Variants in ZNF143 observed in about 807,000 individuals in gnomAD.
ZNF143 encodes zinc finger protein 143, also known as SPH-binding factor.
ZNF143 carries 49 observed loss-of-function variants against 74.1 expected under a neutral mutation model. The observed-to-expected ratio is 0.66, with a 90% CI of 0.53 to 0.84. The LOEUF (loss-of-function observed/expected upper bound fraction) is 0.84, where lower values mean the gene tolerates loss of function less well. Among genes scored for constraint, ZNF143 ranks in the 40% least tolerant of loss-of-function variants. The probability of loss-of-function intolerance (pLI) is 0.00; values close to 1 mark genes in which losing one functional copy is unlikely to be tolerated. For missense variants in ZNF143, 637 were observed against 793.4 expected (o/e 0.80, Z 2.37); for synonymous variants, 304 against 282.8 (o/e 1.07, Z -0.75).
intron 15 of ZNF143, among the ~76,000 whole-genome samples, chr11:9,525,723 G>GA (rs1849102713): frequency 6.6e-6 from 1 of 152,172 alleles, no homozygotes; most frequent in African/African-American, 2.4e-5. Context: ...ACTCCTTAGA[G>GA]AAAAACCTAG....
In ZNF143 at chr11:9,486,409, T is replaced by TA. The variant is rs1565039087; in HGVS notation, c.645+6864dup. 1.7e-3 allele frequency among the ~76,000 whole-genome samples: 43 copies of TA among 25,108 alleles called. 7 individuals carry two copies. Among genetic ancestry groups the TA allele is most frequent in the African/African-American group, 5.9e-3 (37 of 6,310 alleles). 16.5% of individuals were successfully genotyped at this position (25,108 alleles called of 152,430 possible). ...TATAATATATATAATATATTATATA[T>TA]ATAATATATATTATATATATTATAT... is the stretch of plus-strand genomic sequence containing the variant. On this transcript the variant is annotated intron_variant, in intron 7 of 15. Transcript: ENST00000396602.
chr11:9,505,548 T>C (rs1848333198), intron 11 of ZNF143, among the ~76,000 whole-genome samples: 1 of 151,954 alleles, frequency 6.6e-6, no homozygotes, highest in Non-Finnish European at 1.5e-5. Context: ...TTTTGTGTGC[T>C]ATACATAAAC....
rs191426346 is a variant in ZNF143, at chr11:9,492,488, C to T, written c.646-2158C>T. Among the ~76,000 whole-genome samples, 317 of 152,082 alleles carry T rather than the reference C, an allele frequency of 2.1e-3. 3 individuals are homozygous for T. The highest frequency in any genetic ancestry group is 0.01 in the Middle Eastern group (3 of 294). ...GGTCTTGAACTTGACCTCAGGTGAT[C>T]CACCCACCTTGGCCTCCCAAAGTGC... On this transcript the variant is annotated intron_variant, in intron 7 of 15. Transcript: ENST00000396602.
intron 7 of ZNF143, among the ~76,000 whole-genome samples, chr11:9,488,637 A>G (rs1177248870): frequency 6.6e-6 from 1 of 152,194 alleles, no homozygotes; most frequent in Non-Finnish European, 1.5e-5. Context: ...TCCTGTGATA[A>G]CAATTATTAT....
At chr11:9,514,667 A>G (rs375321749) in intron 13 of ZNF143, among the ~76,000 whole-genome samples, 10 of 152,388 alleles carry the variant, frequency 6.6e-5, no homozygotes, top group African/African-American at 1.9e-4. Context: ...TGAACTCACC[A>G]GAGAGTGAAG....
chr11:9,477,516 A>G (rs915011634), intron 5 of ZNF143, among the ~76,000 whole-genome samples: 4 of 151,898 alleles, frequency 2.6e-5, no homozygotes, highest in Non-Finnish European at 2.9e-5. Flanking sequence ...TGGCCTCCCA[A>G]AGTGTTGGGA....
At chr11:9,481,489 C>T (rs1312491564) in intron 7 of ZNF143, among the ~76,000 whole-genome samples, 4 of 152,034 alleles carry the variant, frequency 2.6e-5, no homozygotes, top group Non-Finnish European at 4.4e-5. Flanking sequence ...TAAATATGTG[C>T]GGGAGTTATA....
chr11:9,511,059 T>A (rs1848522716), intron 12 of ZNF143, among the ~76,000 whole-genome samples: 1 of 151,950 alleles, frequency 6.6e-6, no homozygotes, highest in Non-Finnish European at 1.5e-5. Flanking sequence ...TTGTGGTTAA[T>A]GTTTATGAAA....
chr11:9,520,321 C>CG (rs1848874965), intron 14 of ZNF143, among the ~76,000 whole-genome samples: 1 of 145,198 alleles, frequency 6.9e-6, no homozygotes, highest in Non-Finnish European at 1.5e-5. Context: ...TGTGCCTGTC[C>CG]AATTTTTTTT....
intron 7 of ZNF143, among the ~76,000 whole-genome samples, chr11:9,492,364 T>C (rs1442756427): frequency 6.6e-6 from 1 of 152,002 alleles, no homozygotes; most frequent in African/African-American, 2.4e-5. Context: ...CCACCCACCT[T>C]GGCCTCCCAG....
intron 7 of ZNF143, among the ~76,000 whole-genome samples, chr11:9,482,381 C>T (rs1201742598): frequency 6.6e-6 from 1 of 150,830 alleles, no homozygotes; most frequent in Non-Finnish European, 1.5e-5. Flanking sequence ...CGCCATTCTC[C>T]TGCCTCAGCG....
intron 10 of ZNF143, among the ~76,000 whole-genome samples, chr11:9,498,734 A>G (rs567335132): frequency 3.0e-4 from 45 of 152,350 alleles, no homozygotes; most frequent in African/African-American, 1.1e-3. Flanking sequence ...TAAATAATAC[A>G]GCATTAAGAT....
chr11:9,471,825 T>G (rs958599536), intron 2 of ZNF143, among the ~76,000 whole-genome samples: 1 of 152,154 alleles, frequency 6.6e-6, no homozygotes, highest in African/African-American at 2.4e-5. Flanking sequence ...GTGCTGGGAT[T>G]ACAGGCATGA....
At chr11:9,507,298 A>G (rs966796083) in intron 11 of ZNF143, among the ~76,000 whole-genome samples, 1 of 152,162 alleles carries the variant, frequency 6.6e-6, no homozygotes, top group Non-Finnish European at 1.5e-5. Flanking sequence ...GTTCACACCA[A>G]TACCTCCAAT....
intron 14 of ZNF143, among the ~76,000 whole-genome samples, chr11:9,524,637 T>A (rs908357098): frequency 1.4e-4 from 22 of 152,170 alleles, no homozygotes; most frequent in South Asian, 2.1e-4. Flanking sequence ...TGCATTTTTT[T>A]AAAAAGTTGT....
intron 7 of ZNF143, among the ~76,000 whole-genome samples, chr11:9,483,941 G>T (rs542085877): frequency 2.7e-4 from 41 of 150,796 alleles, no homozygotes; most frequent in Non-Finnish European, 5.9e-4. Context: ...GTAGAGAGGG[G>T]GTTTCACCAT....
intron 1 of ZNF143, chr11:9,462,015 T>G (rs1037540945): frequency 6.6e-6 from 1 of 152,254 alleles, no homozygotes; most frequent in Non-Finnish European, 1.5e-5. Context: ...AAGATACTTG[T>G]GTTTTCCTGT....
chr11:9,497,806 A>G lies in ZNF143; in HGVS notation c.967+6A>G, dbSNP rs1451891465. ...ACACATCAGAACTCATACAGGTACT[A>G]GTGGAAACAGAGTGTCAAAATCTTT... On this transcript the variant is annotated splice_donor_region_variant and intron_variant, in intron 10 of 15. Coordinates refer to ENST00000396602, the MANE Select transcript of ZNF143 (RefSeq NM_003442.6). 7.0e-7 allele frequency: 1 copy of G among 1,422,810 alleles called. No homozygotes were observed. 88.1% of individuals were successfully genotyped at this position (1,422,810 alleles called of 1,614,324 possible). A position where few individuals can be genotyped will look rare whatever the true frequency, so the allele number is the denominator to read the frequency against.
intron 11 of ZNF143, among the ~76,000 whole-genome samples, chr11:9,504,330 C>A (rs1476455675): frequency 1.6e-5 from 2 of 126,380 alleles, no homozygotes; most frequent in African/African-American, 5.1e-5. Context: ...AAATCCTTTG[C>A]CCGTTTTTAA....
Sources: gnomAD v4.1 joint callset for allele counts (sites outside exome capture counted in the v4.1 genomes callset) on GRCh38, gnomAD v4.1.1 for gene constraint, MANE v1.5 for transcripts, NCBI Gene and HGNC (gene_info 2026-07-23, HGNC 2026-07-21) for gene names.